DMXL1: variants seen among roughly 807,000 people sequenced by gnomAD.
DMXL1 encodes Dmx like 1, also known as dmX-like protein 1.
DMXL1 carries 99 observed loss-of-function variants against 319.2 expected under a neutral mutation model. The observed-to-expected ratio is 0.31, with a 90% CI of 0.26 to 0.37. The LOEUF is 0.37. Among genes scored for constraint, DMXL1 ranks in the 10% least tolerant of loss-of-function variants. The pLI, the probability that DMXL1 is intolerant of heterozygous loss-of-function variation, is 1.00. For synonymous variants in DMXL1, 1,385 were observed against 1,235.2 expected, an observed-to-expected ratio of 1.12 and a Z score of -2.54; for missense variants, 3,745 against 3,595.6, an observed-to-expected ratio of 1.04 and a Z score of -1.06.
intron 1 of DMXL1, among the ~76,000 whole-genome samples, chr5:119,084,764 C>G (rs185965935): frequency 6.7e-6 from 1 of 150,336 alleles, no homozygotes; most frequent in Admixed American, 6.7e-5. Flanking sequence ...ACTCGGGAGG[C>G]GAGGCAGGAG....
intron 13 of DMXL1, among the ~76,000 whole-genome samples, chr5:119,142,231 G>A (rs1767535751): frequency 6.6e-6 from 1 of 151,840 alleles, no homozygotes; most frequent in Non-Finnish European, 1.5e-5. Flanking sequence ...GACATCAAAA[G>A]CAATCATAAC....
intron 1 of DMXL1, among the ~76,000 whole-genome samples, chr5:119,083,626 C>G (rs1433816689): frequency 6.6e-6 from 1 of 152,128 alleles, no homozygotes; most frequent in Non-Finnish European, 1.5e-5. Context: ...ACTGCAACCT[C>G]TGCTTCCTAG....
intron 37 of DMXL1, among the ~76,000 whole-genome samples, chr5:119,221,373 C>T (rs894279474): frequency 4.6e-5 from 7 of 152,116 alleles, no homozygotes; most frequent in Non-Finnish European, 1.0e-4. Context: ...CCCCATAGAT[C>T]AAATATTACC....
intron 7 of DMXL1, 120 bp from the exon 8 acceptor site, chr5:119,118,695 T>C: frequency 1.4e-6 from 1 of 723,938 alleles, no homozygotes; most frequent in South Asian, 2.0e-5. Flanking sequence ...CTGTACATAT[T>C]GATATTTTCT....
rs143429116 is a variant in DMXL1, at chr5:119,127,006, C to A, written c.1103-2205C>A. The A allele has an allele frequency of 4.1e-3, 684 of 166,382 alleles. 5 individuals are homozygous for A. Among genetic ancestry groups the A allele is most frequent in the African/African-American group, 0.015 (638 of 41,300 alleles). 10.3% of individuals were successfully genotyped at this position (166,382 alleles called of 1,614,324 possible). A position where few individuals can be genotyped will look rare whatever the true frequency, so the allele number is the denominator to read the frequency against. The stretch of plus-strand genomic sequence containing the variant: ...CTTGAACGCCTGCTTCATCTTTGTC[C>A]CCATCTTCTTCATTTTAGCTACATG... On this transcript the variant is annotated intron_variant, in intron 9 of 43. Coordinates refer to ENST00000539542, the MANE Select transcript of DMXL1 (RefSeq NM_001290321.3).
chr5:119,118,833 A>G lies in DMXL1; in HGVS notation c.762A>G (p.Val254=), dbSNP rs780958245. The part of the protein sequence containing the change: ...KYMPRASVCN[V]LLTCCKDNVC... The stretch of plus-strand genomic sequence containing the variant: ...TCCTTAGGGCTTCTGTATGTAATGT[A>G]CTGTTGACTTGCTGCAAAGATAATG... The change falls in exon 8 of 44, where the codon GTA becomes GTG. Residue 254 remains valine (V), a synonymous_variant. Coordinates refer to ENST00000539542, the MANE Select transcript of DMXL1 (RefSeq NM_001290321.3). The G allele has an allele frequency of 1.2e-6, 2 of 1,612,786 alleles. No individual in the cohort carries two copies. The highest frequency in any genetic ancestry group is 4.5e-5 in the East Asian group (2 of 44,820).
intron 1 of DMXL1, among the ~76,000 whole-genome samples, chr5:119,078,461 A>AT (rs566445619): frequency 7.8e-4 from 119 of 151,976 alleles, no homozygotes; most frequent in Non-Finnish European, 1.6e-3. Flanking sequence ...TATTTTATTT[A>AT]TTTTTTTGAG....
chr5:119,155,900 T>A (rs1224497904), intron 19 of DMXL1, among the ~76,000 whole-genome samples: 1 of 152,014 alleles, frequency 6.6e-6, no homozygotes, highest in Non-Finnish European at 1.5e-5. Context: ...GAATGTGGTT[T>A]CTTAAGGTGG....
At chr5:119,151,590 G>A (rs944474293) in intron 18 of DMXL1, among the ~76,000 whole-genome samples, 3 of 152,000 alleles carry the variant, frequency 2.0e-5, no homozygotes, top group Non-Finnish European at 4.4e-5. Context: ...TGTATGATTC[G>A]AACAAACTGT....
intron 1 of DMXL1, among the ~76,000 whole-genome samples, chr5:119,084,840 G>A (rs1752987959): frequency 6.7e-6 from 1 of 149,528 alleles, no homozygotes; most frequent in South Asian, 2.1e-4. Flanking sequence ...CTCCACCCTG[G>A]GCAACAAGAG....
intron 4 of DMXL1, among the ~76,000 whole-genome samples, chr5:119,105,830 G>A (rs1401653062): frequency 6.6e-6 from 1 of 151,624 alleles, no homozygotes; most frequent in Admixed American, 6.6e-5. Flanking sequence ...CTGGAAGGTG[G>A]AGGTTGCAGT....
intron 29 of DMXL1, among the ~76,000 whole-genome samples, chr5:119,193,201 T>G (rs1365288904): frequency 6.6e-6 from 1 of 152,106 alleles, no homozygotes; most frequent in Non-Finnish European, 1.5e-5. Context: ...TCCCTTACAT[T>G]CCTTTACCAT....
In DMXL1 at chr5:119,177,487, A is replaced by G; in HGVS notation, c.6886+3A>G. The G allele has an allele frequency of 2.5e-6, 4 of 1,593,658 alleles. No homozygotes were observed. Among genetic ancestry groups the G allele is most frequent in the Non-Finnish European group, 3.4e-6 (4 of 1,172,400 alleles). ...TACGTCACCAGCTCAATGGCCAGGT[A>G]TAATTTTTATGTATAGATCAGTTTT... On this transcript the variant is annotated splice_donor_region_variant and intron_variant, in intron 27 of 43. Transcript: ENST00000539542.
At chr5:119,179,445 G>C (rs1274319902) in intron 28 of DMXL1, among the ~76,000 whole-genome samples, 1 of 151,936 alleles carries the variant, frequency 6.6e-6, no homozygotes, top group Non-Finnish European at 1.5e-5. Context: ...ATGTGGGCTT[G>C]GATATATATG....
At chr5:119,191,027 C>T (rs921865145) in intron 29 of DMXL1, among the ~76,000 whole-genome samples, 1 of 152,116 alleles carries the variant, frequency 6.6e-6, no homozygotes, top group Non-Finnish European at 1.5e-5. Context: ...GTTTTAATTA[C>T]AGTATGTTAA....
At chr5:119,172,862 C>T (rs1005658412) in intron 25 of DMXL1, among the ~76,000 whole-genome samples, 3 of 152,046 alleles carry the variant, frequency 2.0e-5, no homozygotes, top group Non-Finnish European at 4.4e-5. Flanking sequence ...TTACCTTAAT[C>T]CTTGTAATTA....
At position 119,247,324 on chromosome 5, in the gene DMXL1, G is replaced by C; in HGVS notation, c.*105G>C. 1 of 796,046 alleles carries C rather than the reference G, an allele frequency of 1.3e-6. No individual in the cohort carries two copies. 49.3% of individuals were successfully genotyped at this position (796,046 alleles called of 1,614,324 possible). ...GCCACAAATTAGCTAATGCTTTCTT[G>C]TTTTTATATTTATTTTATGGAGCTT... is the stretch of plus-strand genomic sequence containing the variant. On this transcript the variant is annotated 3_prime_UTR_variant, in exon 44 of 44. Coordinates refer to ENST00000539542, the MANE Select transcript of DMXL1 (RefSeq NM_001290321.3).
At chr5:119,071,685 G>C in intron 1 of DMXL1, 29 bp downstream of exon 1, 1 of 1,556,296 alleles carries the variant, frequency 6.4e-7, no homozygotes, top group South Asian at 1.2e-5. Context: ...CGCGTCGCCC[G>C]TGGCCCGGCC....
intron 40 of DMXL1, among the ~76,000 whole-genome samples, chr5:119,237,707 G>T (rs1404693730): frequency 1.3e-5 from 2 of 151,868 alleles, no homozygotes; most frequent in Non-Finnish European, 2.9e-5. Context: ...TCACTAAACT[G>T]GTTATTATAT....
Sources: gnomAD v4.1 joint callset for allele counts (sites outside exome capture counted in the v4.1 genomes callset) on GRCh38, gnomAD v4.1.1 for gene constraint, MANE v1.5 for transcripts, NCBI Gene and HGNC (gene_info 2026-07-23, HGNC 2026-07-21) for gene names.